The following EBF3 variants were observed in gnomAD, a reference collection of about 807,000 sequenced individuals.
EBF3 encodes the protein transcription factor COE3.
In EBF3, 18 loss-of-function variants were observed where a neutral mutation model predicts 77.1. That is an observed-to-expected ratio of 0.23 (90% CI 0.16 to 0.35). The LOEUF (loss-of-function observed/expected upper bound fraction) is 0.35, where lower values mean the gene tolerates loss of function less well. Ranked by LOEUF, EBF3 falls within the 10% of genes least tolerant of loss-of-function variation. The pLI, the probability that EBF3 is intolerant of heterozygous loss-of-function variation, is 1.00. For missense variants in EBF3, 558 were observed against 860.0 expected, an observed-to-expected ratio of 0.65 and a Z score of 4.39; for synonymous variants, 350 against 343.5, an observed-to-expected ratio of 1.02 and a Z score of -0.21.
chr10:129,937,033 C>T (rs539649448), intron 6 of EBF3, among the ~76,000 whole-genome samples: 1 of 152,298 alleles, frequency 6.6e-6, no homozygotes, highest in Non-Finnish European at 1.5e-5. Flanking sequence ...TGATGCATGC[C>T]GAGTGCCAGG....
chr10:129,930,385 T>C (rs1335331446), intron 6 of EBF3, among the ~76,000 whole-genome samples: 2 of 151,508 alleles, frequency 1.3e-5, no homozygotes, highest in Non-Finnish European at 2.9e-5. Flanking sequence ...CTCATATACC[T>C]ATATCTATAC....
In EBF3 at chr10:129,840,942, G is replaced by C. The variant is rs924303642; in HGVS notation, c.1463C>G (p.Thr488Ser). The C allele has an allele frequency of 6.2e-7, 1 of 1,613,970 alleles. No homozygotes were observed. Residue 488 changes from threonine (T) to serine (S), a missense_variant, in exon 14 of 17, where the codon ACT becomes AGT. Thr to Ser is a moderately conservative substitution (Grantham distance 58). This residue lies in a region of EBF3 where 284 missense variants were observed against 368.3 expected (regional missense o/e 0.77). Coordinates refer to ENST00000440978, the MANE Select transcript of EBF3 (RefSeq NM_001375380.1). The part of the protein sequence containing the change: ...PQQSNYNTVS[T>S]SMNGYGSGAM... Reference sequence around the variant, plus strand: ...GCCACTTCCATATCCATTCATGCTAGTGCTGACTGTGTTGTAATTGGACTG... The same window carrying C: ...GCCACTTCCATATCCATTCATGCTACTGCTGACTGTGTTGTAATTGGACTG...
At chr10:129,900,096 C>T (rs371198769) in intron 6 of EBF3, among the ~76,000 whole-genome samples, 2 of 152,264 alleles carry the variant, frequency 1.3e-5, no homozygotes, top group South Asian at 2.1e-4. Flanking sequence ...TTGCTGACTC[C>T]GGTGTTTCCA....
chr10:129,932,550 C>T (rs893044552), intron 6 of EBF3, among the ~76,000 whole-genome samples: 5 of 152,210 alleles, frequency 3.3e-5, no homozygotes, highest in Admixed American at 6.5e-5. Context: ...TCACCATTTC[C>T]AAGGGCAGGA....
intron 6 of EBF3, among the ~76,000 whole-genome samples, chr10:129,920,417 G>A (rs1201934070): frequency 6.6e-6 from 1 of 152,218 alleles, no homozygotes; most frequent in Non-Finnish European, 1.5e-5. Context: ...TGTGATCTAG[G>A]GCGAATATCT....
chr10:129,836,131 TTG>T lies in EBF3; in HGVS notation c.*1810_*1811del, dbSNP rs1351792898. The T allele has an allele frequency of 1.3e-5, 2 of 152,628 alleles. No homozygotes were observed. Among genetic ancestry groups the T allele is most frequent in the Non-Finnish European group, 1.5e-5 (1 of 68,044 alleles). 9.5% of individuals were successfully genotyped at this position (152,628 alleles called of 1,614,324 possible). A position where few individuals can be genotyped will look rare whatever the true frequency, so the allele number is the denominator to read the frequency against. On this transcript the variant is annotated 3_prime_UTR_variant, in exon 17 of 17. Transcript: ENST00000440978. Reference sequence around the variant, plus strand: ...CGGGCTTGTGCTTTTTTGTGTGTGTTTGTGTGTTTTACACCATACATCTCCAA... The same window carrying T: ...CGGGCTTGTGCTTTTTTGTGTGTGTTTGTGTTTTACACCATACATCTCCAA...
chr10:129,873,590 C>G lies in EBF3; in HGVS notation c.643G>C (p.Val215Leu). ...PRDMRRFQVV[V>L]STTVNVDGHV... ...CCGTCCACGTTGACTGTTGTCGATA[C>G]AACAACCTGCAAAGATGAAGTGGAT... The change falls in exon 8 of 17, where the codon GTA (valine) becomes CTA (leucine). Residue 215 changes from valine (V) to leucine (L), a missense_variant. Physicochemically the swap from Val to Leu is conservative, Grantham distance 32 (BLOSUM62 1). Around this residue, in one of 5 missense-constraint regions of EBF3, gnomAD observed 112 missense variants for 207.7 expected, o/e 0.54. Coordinates refer to ENST00000440978, the MANE Select transcript of EBF3 (RefSeq NM_001375380.1). The G allele has an allele frequency of 2.0e-6, 3 of 1,531,910 alleles. No homozygotes were observed. The highest frequency in any genetic ancestry group is 2.6e-6 in the Non-Finnish European group (3 of 1,137,130). The allele number at this position is 1,531,910 out of a possible 1,614,324, so 94.9% of individuals were successfully genotyped here. A position where few individuals can be genotyped will look rare whatever the true frequency, so the allele number is the denominator to read the frequency against.
At position 129,861,631 on chromosome 10, in the gene EBF3, G is replaced by GGCTGCA. The variant is rs539744802; in HGVS notation, c.1039+5504_1039+5509dup. On this transcript the variant is annotated intron_variant, in intron 10 of 16. Coordinates refer to ENST00000440978, the MANE Select transcript of EBF3 (RefSeq NM_001375380.1). This position sits in a 1 kb window ranked among gnomAD's most constrained non-coding sequence, Gnocchi z 4.3. ...AGGTTTGAAGCAGGACAGCCAGTGTGGCTGCAGGAGGGCCCACTGCAGACA... is the reference window on the plus strand; with the variant it reads ...AGGTTTGAAGCAGGACAGCCAGTGTGGCTGCAGCTGCAGGAGGGCCCACTGCAGACA... Among the ~76,000 whole-genome samples the GGCTGCA allele has an allele frequency of 1.3e-5, 2 of 152,254 alleles. No individual in the cohort carries two copies. Among genetic ancestry groups the GGCTGCA allele is most frequent in the South Asian group, 4.2e-4 (2 of 4,812 alleles).
intron 4 of EBF3, 119 bp from the exon 5 acceptor site, chr10:129,959,126 GCGCCCCCCTCCCTC>G: frequency 8.1e-7 from 1 of 1,227,408 alleles, no homozygotes; most frequent in South Asian, 1.3e-5. Flanking sequence ...GGGAGGCGAT[GCGCCCCCCTCCCTC>G]GGCCACCCTC....
intron 16 of EBF3, among the ~76,000 whole-genome samples, chr10:129,838,360 T>A (rs1849756447): frequency 6.6e-6 from 1 of 152,240 alleles, no homozygotes; most frequent in Non-Finnish European, 1.5e-5. Flanking sequence ...GTCACTCCCG[T>A]GACGCCAGTC....
intron 6 of EBF3, among the ~76,000 whole-genome samples, chr10:129,918,390 A>G (rs1266591834): frequency 1.3e-5 from 2 of 152,238 alleles, no homozygotes; most frequent in African/African-American, 4.8e-5. Flanking sequence ...ACAAGGCCTC[A>G]TGTTTAATGT....
At position 129,930,651 on chromosome 10, in the gene EBF3, CCT is replaced by C. The variant is rs1398167524; in HGVS notation, c.554+26605_554+26606del. Among the ~76,000 whole-genome samples, 9 of 147,390 alleles carry C rather than the reference CCT, an allele frequency of 6.1e-5. 1 individual carries two copies. In the East Asian group the frequency reaches 1.7e-3, roughly 28 times the overall value. ...ATCTATCTCTATATTAACAAATCCC[CCT>C]CTCATATATCTATATCTATACCTGT... is the stretch of plus-strand genomic sequence containing the variant. On this transcript the variant is annotated intron_variant, in intron 6 of 16. Coordinates refer to ENST00000440978, the MANE Select transcript of EBF3 (RefSeq NM_001375380.1).
chr10:129,877,148 A>G (rs1459508110), intron 7 of EBF3, among the ~76,000 whole-genome samples: 1 of 152,112 alleles, frequency 6.6e-6, no homozygotes, highest in Non-Finnish European at 1.5e-5. Flanking sequence ...AAAAGGTTGC[A>G]TTATAGTTCT....
intron 10 of EBF3, among the ~76,000 whole-genome samples, chr10:129,866,313 G>C (rs1218122896): frequency 6.6e-6 from 1 of 152,134 alleles, no homozygotes; most frequent in Non-Finnish European, 1.5e-5. Context: ...TAGAGACAGG[G>C]TTTTGCCCTG....
chr10:129,873,945 T>G (rs1245119732), intron 7 of EBF3, among the ~76,000 whole-genome samples: 2 of 152,234 alleles, frequency 1.3e-5, no homozygotes, highest in African/African-American at 4.8e-5. Context: ...CTGTTTTGAT[T>G]GATCTGTTCA....
intron 6 of EBF3, among the ~76,000 whole-genome samples, chr10:129,901,887 A>G (rs1417470153): frequency 6.6e-6 from 1 of 152,132 alleles, no homozygotes; most frequent in East Asian, 1.9e-4. Flanking sequence ...CAGCTTCCCA[A>G]CCTGTGTGGC....
At chr10:129,961,319 ACT>A (rs1859503389) in intron 4 of EBF3, among the ~76,000 whole-genome samples, 1 of 151,906 alleles carries the variant, frequency 6.6e-6, no homozygotes, top group African/African-American at 2.4e-5. Context: ...CCACCACAAC[ACT>A]CTATTTTAAG....
In EBF3 at chr10:129,837,901, G is replaced by C. The variant is rs756478365; in HGVS notation, c.*42C>G. 1.2e-6 allele frequency: 2 copies of C among 1,613,932 alleles called. No individual in the cohort carries two copies. Among genetic ancestry groups the C allele is most frequent in the African/African-American group, 2.7e-5 (2 of 74,904 alleles). ...CCCTGAAGTCCGTCCTTTGATGCTG[G>C]GTGCTGCGGAAGGTAAACAGAAGTC... On this transcript the variant is annotated 3_prime_UTR_variant, in exon 17 of 17. Transcript: ENST00000440978.
chr10:129,860,565 G>A (rs887503904), intron 10 of EBF3, among the ~76,000 whole-genome samples: 4 of 152,198 alleles, frequency 2.6e-5, no homozygotes, highest in Non-Finnish European at 5.9e-5. Flanking sequence ...CAATCGGGGT[G>A]CAGGGTGCAG....
Sources: allele counts gnomAD v4.1 joint callset (sites outside exome capture counted in the v4.1 genomes callset), GRCh38; gene constraint gnomAD v4.1.1; regional missense constraint gnomAD v4.1.1; non-coding constraint Gnocchi (gnomAD v3.1); transcripts MANE v1.5; gene names NCBI Gene and HGNC (gene_info 2026-07-23, HGNC 2026-07-21).